SFMBT2: variants seen among roughly 807,000 people sequenced by gnomAD.
SFMBT2 encodes Scm like with four mbt domains 2.
SFMBT2 carries 38 observed loss-of-function variants against 110.1 expected under a neutral mutation model. The ratio of observed to expected loss-of-function variants is 0.35; its 90% CI spans 0.27 to 0.45. The LOEUF (loss-of-function observed/expected upper bound fraction) is 0.45. Among genes scored for constraint, SFMBT2 ranks in the 20% least tolerant of loss-of-function variants. SFMBT2 has a pLI of 1.00. For missense variants in SFMBT2, 1,011 were observed against 1,094.9 expected, an observed-to-expected ratio of 0.92 and a Z score of 1.08; for synonymous variants, 425 against 425.4, an observed-to-expected ratio of 1.00 and a Z score of 0.01.
chr10:7,382,537 A>G (rs950535775), intron 1 of SFMBT2, among the ~76,000 whole-genome samples: 2 of 152,220 alleles, frequency 1.3e-5, no homozygotes, highest in Non-Finnish European at 2.9e-5. Context: ...AGATGGACAC[A>G]TATTTCACGA....
chr10:7,226,293 TTGC>T (rs1220646526), intron 10 of SFMBT2, among the ~76,000 whole-genome samples: 1 of 152,254 alleles, frequency 6.6e-6, no homozygotes, highest in Non-Finnish European at 1.5e-5. Context: ...ATTTCCAACC[TTGC>T]TGCTGATGTG....
rs1041610247 is a variant in SFMBT2 at position 7,286,024 on chromosome 10, C to T, written c.437-70G>A. The stretch of plus-strand genomic sequence containing the variant: ...ACACTTCAACACAGCAGCAAAGTAT[C>T]CAATCAACTTAAAATCACAGCAGTT... On this transcript the variant is annotated intron_variant, in intron 4 of 20. Transcript: ENST00000397167. 4.3e-5 allele frequency: 33 copies of T among 762,388 alleles called. 1 individual carries two copies. The South Asian group carries it at 4.8e-4, about 11-fold the overall frequency. The allele number at this position is 762,388 out of a possible 1,614,324, so 47.2% of individuals were successfully genotyped here.
At chr10:7,220,669 CCTTCCCA>C (rs1253257904) in intron 10 of SFMBT2, 132 bp from the exon 11 acceptor site, 26 of 907,982 alleles carry the variant, frequency 2.9e-5, no homozygotes, top group Non-Finnish European at 4.3e-5. Flanking sequence ...ATGTGTTTGT[CCTTCCCA>C]CTGTTCATGA....
intron 8 of SFMBT2, chr10:7,244,247 T>C: frequency 4.1e-6 from 1 of 243,856 alleles, no homozygotes; most frequent in Non-Finnish European, 6.6e-6. Context: ...CAACCCCCAA[T>C]GCCATGTTTA....
intron 4 of SFMBT2, among the ~76,000 whole-genome samples, chr10:7,322,174 G>A (rs1328046812): frequency 2.0e-5 from 3 of 152,184 alleles, no homozygotes; most frequent in Non-Finnish European, 4.4e-5. Flanking sequence ...CTGTTCTACT[G>A]ATGGTGAATG....
intron 14 of SFMBT2, chr10:7,198,055 T>A: frequency 3.0e-6 from 3 of 985,458 alleles, no homozygotes; most frequent in Non-Finnish European, 3.6e-6. Flanking sequence ...ATTGTATGAA[T>A]CTGGTGTTCA....
At chr10:7,183,371 G>A (rs1299702589) in intron 16 of SFMBT2, among the ~76,000 whole-genome samples, 1 of 152,138 alleles carries the variant, frequency 6.6e-6, no homozygotes, top group Non-Finnish European at 1.5e-5. Context: ...CAGTGCTCTC[G>A]GAAGCACACT....
At chr10:7,354,419 T>G (rs1427642722) in intron 4 of SFMBT2, among the ~76,000 whole-genome samples, 1 of 152,142 alleles carries the variant, frequency 6.6e-6, no homozygotes, top group Non-Finnish European at 1.5e-5. Flanking sequence ...GCTGGCATAG[T>G]GGGCATGAGA....
At chr10:7,244,028 C>G in intron 8 of SFMBT2, 1 of 826,984 alleles carries the variant, frequency 1.2e-6, no homozygotes, top group Non-Finnish European at 1.5e-6. Flanking sequence ...CAGACAAACC[C>G]CAGCTTAGAT....
At chr10:7,256,952 C>T (rs1384032723) in intron 7 of SFMBT2, among the ~76,000 whole-genome samples, 3 of 151,994 alleles carry the variant, frequency 2.0e-5, no homozygotes, top group Admixed American at 6.6e-5. Context: ...ATTAGCTGGG[C>T]GTGGCGGTGG....
chr10:7,289,236 A>G (rs2131854259), intron 4 of SFMBT2, among the ~76,000 whole-genome samples: 1 of 152,308 alleles, frequency 6.6e-6, no homozygotes, highest in East Asian at 1.9e-4. Flanking sequence ...CAAAAGAAGA[A>G]CAATTATTAT....
intron 20 of SFMBT2, among the ~76,000 whole-genome samples, chr10:7,166,407 ACT>A (rs1235122656): frequency 6.6e-6 from 1 of 152,174 alleles, no homozygotes; most frequent in Non-Finnish European, 1.5e-5. Context: ...TATTCGTGTA[ACT>A]CTTTCTTTAC....
chr10:7,271,511 C>G (rs1467454513), intron 7 of SFMBT2, among the ~76,000 whole-genome samples: 1 of 152,110 alleles, frequency 6.6e-6, no homozygotes, highest in Non-Finnish European at 1.5e-5. Context: ...TTAAGCATAA[C>G]TGTGACAGAA....
chr10:7,285,606 G>A (rs1306599366), intron 5 of SFMBT2: 3 of 424,046 alleles, frequency 7.1e-6, no homozygotes, highest in Non-Finnish European at 1.3e-5. Context: ...AGACATCCTA[G>A]CATATTGTGA....
intron 1 of SFMBT2, among the ~76,000 whole-genome samples, chr10:7,385,240 C>T (rs1429529947): frequency 1.3e-5 from 2 of 152,126 alleles, no homozygotes; most frequent in African/African-American, 4.8e-5. Flanking sequence ...ACCTCTACCC[C>T]ATGTAAGGAA....
chr10:7,338,610 A>T (rs997712473), intron 4 of SFMBT2, among the ~76,000 whole-genome samples: 1 of 152,208 alleles, frequency 6.6e-6, no homozygotes, highest in African/African-American at 2.4e-5. Flanking sequence ...TACATAGGTG[A>T]GGAGGAGTAG....
At chr10:7,227,649 A>G (rs965716861) in intron 10 of SFMBT2, among the ~76,000 whole-genome samples, 3 of 152,196 alleles carry the variant, frequency 2.0e-5, no homozygotes, top group Non-Finnish European at 4.4e-5. Flanking sequence ...CTGTGCATTT[A>G]TTAGTCAATT....
chr10:7,251,348 CCT>C (rs1840804140), intron 7 of SFMBT2, among the ~76,000 whole-genome samples: 1 of 152,076 alleles, frequency 6.6e-6, no homozygotes, highest in Non-Finnish European at 1.5e-5. Flanking sequence ...GTGGCAGAAG[CCT>C]GTAATCCCAG....
intron 4 of SFMBT2, among the ~76,000 whole-genome samples, chr10:7,363,933 C>A (rs1323973140): frequency 6.6e-6 from 1 of 152,068 alleles, no homozygotes; most frequent in Non-Finnish European, 1.5e-5. Flanking sequence ...AACTCCTGTT[C>A]ATATTCTGCG....
Sources: allele counts gnomAD v4.1 joint callset (sites outside exome capture counted in the v4.1 genomes callset), GRCh38; gene constraint gnomAD v4.1.1; transcripts MANE v1.5; gene names NCBI Gene and HGNC (gene_info 2026-07-23, HGNC 2026-07-21).